The following RPS6KC1 variants were observed in gnomAD, a reference collection of about 807,000 sequenced individuals.
RPS6KC1 encodes ribosomal protein S6 kinase C1.
A neutral mutation model predicts 103.8 loss-of-function variants in RPS6KC1; 54 were observed. The ratio of observed to expected loss-of-function variants is 0.52; its 90% CI spans 0.42 to 0.65. The LOEUF is 0.65. RPS6KC1 is among the 30% of genes least tolerant of loss of function. The pLI is 0.00. For synonymous variants in RPS6KC1, 439 were observed against 438.7 expected (o/e 1.00, Z -0.01); for missense variants, 1,151 against 1,253.8 (o/e 0.92, Z 1.24).
At chr1:213,442,098 C>T in the RPS6KC1 span, among the ~76,000 whole-genome samples, 62 of 152,262 alleles carry the variant, frequency 4.1e-4, no homozygotes, top group African/African-American at 1.5e-3. Context: ...GGGAGGTAGG[C>T]ATGTTCCTTA....
intron 6 of RPS6KC1, among the ~76,000 whole-genome samples, chr1:213,165,396 A>G (rs987208301): frequency 2.6e-5 from 4 of 151,536 alleles, no homozygotes; most frequent in African/African-American, 9.7e-5. Flanking sequence ...ATGCCTGGCT[A>G]ATTTTGTGTG....
At chr1:213,147,215 A>AT (rs2087974079) in intron 6 of RPS6KC1, among the ~76,000 whole-genome samples, 1 of 149,266 alleles carries the variant, frequency 6.7e-6, no homozygotes, top group Admixed American at 7.1e-5. Context: ...CCATTTGTCC[A>AT]TTTTTTGCTT....
rs2093856546 is a variant in RPS6KC1, at chr1:213,222,392, T to C, written c.1045-8105T>C. On this transcript the variant is annotated intron_variant, in intron 8 of 14. Transcript: ENST00000366960. ...CAAATTTTACTCTTTATGCTTGAAT[T>C]TTCATCAGTGGAAAACTTATGAAAC... Among the ~76,000 whole-genome samples the C allele has an allele frequency of 2.0e-5, 3 of 152,200 alleles. No individual in the cohort carries two copies. In the South Asian group the frequency reaches 6.2e-4, roughly 32 times the overall value.
intron 8 of RPS6KC1, among the ~76,000 whole-genome samples, chr1:213,214,749 G>T (rs956046485): frequency 6.6e-6 from 1 of 152,142 alleles, no homozygotes; most frequent in East Asian, 1.9e-4. Context: ...CTCCACTGCC[G>T]ATACCCAGGC....
chr1:213,810,865 C>T, the RPS6KC1 span, among the ~76,000 whole-genome samples: 2 of 152,182 alleles, frequency 1.3e-5, no homozygotes, highest in East Asian at 1.9e-4. Context: ...GATATCATCT[C>T]TCATCCCAGC....
chr1:213,519,322 G>A, the RPS6KC1 span, among the ~76,000 whole-genome samples: 2 of 152,116 alleles, frequency 1.3e-5, no homozygotes, highest in Non-Finnish European at 2.9e-5. Context: ...GTTAGATTGA[G>A]GATGGGCTCT....
At chr1:213,606,145 G>A in the RPS6KC1 span, among the ~76,000 whole-genome samples, 1 of 152,140 alleles carries the variant, frequency 6.6e-6, no homozygotes, top group South Asian at 2.1e-4. Flanking sequence ...ACAAAAGAAG[G>A]GCAGAGGACA....
chr1:213,681,181 A>C, the RPS6KC1 span, among the ~76,000 whole-genome samples: 1 of 151,780 alleles, frequency 6.6e-6, no homozygotes, highest in Non-Finnish European at 1.5e-5. Flanking sequence ...AGGAGCCCCC[A>C]CCTCTGCTCT....
chr1:213,815,098 G>A, the RPS6KC1 span, among the ~76,000 whole-genome samples: 15 of 152,254 alleles, frequency 9.9e-5, no homozygotes, highest in South Asian at 6.2e-4. Context: ...TGCTGTTCTC[G>A]TGATAGTGAG....
chr1:213,560,084 TTAC>T, the RPS6KC1 span, among the ~76,000 whole-genome samples: 1 of 152,202 alleles, frequency 6.6e-6, no homozygotes, highest in Non-Finnish European at 1.5e-5. Context: ...ATCAACATGT[TTAC>T]TTTAGTTCCC....
the RPS6KC1 span, among the ~76,000 whole-genome samples, chr1:213,405,853 G>A: frequency 6.6e-6 from 1 of 152,186 alleles, no homozygotes; most frequent in East Asian, 1.9e-4. Context: ...GTAGGTGGGA[G>A]TATAGGAGGA....
chr1:213,190,693 C>T (rs985733235), intron 8 of RPS6KC1, among the ~76,000 whole-genome samples: 26 of 152,218 alleles, frequency 1.7e-4, no homozygotes, highest in Non-Finnish European at 2.6e-4. Flanking sequence ...TGGTTGCCTG[C>T]GCTTGTAGCG....
chr1:213,545,035 G>T, the RPS6KC1 span, among the ~76,000 whole-genome samples: 1 of 152,124 alleles, frequency 6.6e-6, no homozygotes, highest in African/African-American at 2.4e-5. Flanking sequence ...TCAAGGTCAA[G>T]GTGTCTATAG....
chr1:213,179,439 A>AG (rs1282028329), intron 8 of RPS6KC1, among the ~76,000 whole-genome samples: 17 of 152,058 alleles, frequency 1.1e-4, no homozygotes, highest in African/African-American at 3.9e-4. Context: ...AAAAAAAAAA[A>AG]GCAGGTACAT....
chr1:213,576,620 T>C, the RPS6KC1 span, among the ~76,000 whole-genome samples: 1 of 152,188 alleles, frequency 6.6e-6, no homozygotes, highest in East Asian at 1.9e-4. Flanking sequence ...GTGTTCTGAC[T>C]GCTCCTCTTC....
the RPS6KC1 span, among the ~76,000 whole-genome samples, chr1:213,860,174 TGAA>T: frequency 6.6e-6 from 1 of 151,036 alleles, no homozygotes; most frequent in African/African-American, 2.4e-5. Flanking sequence ...TGTATATATA[TGAA>T]GAAAGTTCTT....
chr1:213,487,356 CCTG>C, the RPS6KC1 span, among the ~76,000 whole-genome samples: 1 of 152,206 alleles, frequency 6.6e-6, no homozygotes, highest in African/African-American at 2.4e-5. Context: ...ACATCATACT[CCTG>C]CACTCCAGCC....
the RPS6KC1 span, among the ~76,000 whole-genome samples, chr1:213,602,028 C>CTTTCTTTCTTTCTCTTTCTTTCTT: frequency 2.5e-4 from 3 of 11,898 alleles, no homozygotes; most frequent in East Asian, 9.4e-3. Flanking sequence ...TTCTTTCTTT[C>CTTTCTTTCTTTCTCTTTCTTTCTT]TCTTTCTCTT....
chr1:213,257,907 G>T (rs1207188662), intron 12 of RPS6KC1, among the ~76,000 whole-genome samples: 1 of 135,670 alleles, frequency 7.4e-6, no homozygotes, highest in Non-Finnish European at 1.5e-5. Flanking sequence ...AAGTTCAAGT[G>T]ATCCTCCTAT....
Sources: allele counts gnomAD v4.1 joint callset (sites outside exome capture counted in the v4.1 genomes callset), GRCh38; gene constraint gnomAD v4.1.1; transcripts MANE v1.5; gene names NCBI Gene and HGNC (gene_info 2026-07-23, HGNC 2026-07-21).